The following SPMAP2L variants were observed in gnomAD, a reference collection of about 807,000 sequenced individuals.
The protein encoded by SPMAP2L is sperm microtubule associated protein 2 like.
At chr4:56,551,651 C>T in the SPMAP2L span, among the ~76,000 whole-genome samples, 4 of 152,218 alleles carry the variant, frequency 2.6e-5, no homozygotes, top group Non-Finnish European at 4.4e-5. Flanking sequence ...GTATTGGCCC[C>T]GTCAGACTCC....
the SPMAP2L span, chr4:56,595,102 G>T: frequency 6.2e-7 from 1 of 1,611,382 alleles, no homozygotes; most frequent in East Asian, 2.2e-5. Flanking sequence ...CATTTCCTGG[G>T]CTTATATCAA....
the SPMAP2L span, among the ~76,000 whole-genome samples, chr4:56,602,538 C>T: frequency 6.6e-6 from 1 of 151,934 alleles, no homozygotes; most frequent in Non-Finnish European, 1.5e-5. Context: ...ACTAAAAATA[C>T]AAAAAAGTTT....
At chr4:56,557,698 G>GT in the SPMAP2L span, 2 of 152,116 alleles carry the variant, frequency 1.3e-5, no homozygotes, top group African/African-American at 4.8e-5. Context: ...GAATTCTGTG[G>GT]GTAATTGTGA....
chr4:56,596,690 A>C, the SPMAP2L span: 1 of 1,434,792 alleles, frequency 7.0e-7, no homozygotes, highest in Non-Finnish European at 9.1e-7. Flanking sequence ...TTAGGATGCT[A>C]TTTTGCCTCT....
chr4:56,596,535 G>T, the SPMAP2L span: 4 of 1,532,372 alleles, frequency 2.6e-6, no homozygotes, highest in Non-Finnish European at 2.6e-6. Context: ...CCCTGAGTGC[G>T]ATTGCAACTC....
the SPMAP2L span, among the ~76,000 whole-genome samples, chr4:56,588,692 A>T: frequency 6.6e-6 from 1 of 152,150 alleles, no homozygotes; most frequent in Non-Finnish European, 1.5e-5. Flanking sequence ...CAGCATCCCA[A>T]AGTGCTGGGA....
At chr4:56,551,301 G>A in the SPMAP2L span, among the ~76,000 whole-genome samples, 5 of 152,256 alleles carry the variant, frequency 3.3e-5, no homozygotes, top group African/African-American at 1.2e-4. Context: ...CTTTCTGTGG[G>A]GTAGGAGTGA....
chr4:56,597,409 T>C, the SPMAP2L span, among the ~76,000 whole-genome samples: 1 of 152,182 alleles, frequency 6.6e-6, no homozygotes, highest in African/African-American at 2.4e-5. Context: ...CCACCATCAA[T>C]TGCAGTGCCA....
the SPMAP2L span, among the ~76,000 whole-genome samples, chr4:56,586,789 A>G: frequency 1.3e-5 from 2 of 152,148 alleles, no homozygotes; most frequent in Non-Finnish European, 2.9e-5. Context: ...AAGTCACATA[A>G]CATTACAGCA....
the SPMAP2L span, among the ~76,000 whole-genome samples, chr4:56,609,289 C>T: frequency 2.0e-5 from 3 of 152,140 alleles, no homozygotes; most frequent in Admixed American, 6.5e-5. Context: ...GATCCACCTG[C>T]CTTGGCCTCC....
the SPMAP2L span, among the ~76,000 whole-genome samples, chr4:56,615,776 CA>C: frequency 6.6e-6 from 1 of 151,320 alleles, no homozygotes; most frequent in Non-Finnish European, 1.5e-5. Context: ...AACAAACAAA[CA>C]AACAAAATAA....
At chr4:56,554,765 TG>T in the SPMAP2L span, among the ~76,000 whole-genome samples, 1 of 150,662 alleles carries the variant, frequency 6.6e-6, no homozygotes, top group South Asian at 2.1e-4. Context: ...TTTCCTCCTG[TG>T]TGTTTTTCTA....
chr4:56,581,403 C>T, the SPMAP2L span, among the ~76,000 whole-genome samples: 2 of 151,626 alleles, frequency 1.3e-5, no homozygotes, highest in African/African-American at 4.8e-5. Flanking sequence ...TACAGTGAAC[C>T]GAGACCACAT....
the SPMAP2L span, among the ~76,000 whole-genome samples, chr4:56,553,449 TC>T: frequency 6.6e-6 from 1 of 151,484 alleles, no homozygotes; most frequent in Non-Finnish European, 1.5e-5. Flanking sequence ...CATCTTGGCC[TC>T]CCAAAGTGTT....
chr4:56,583,044 G>A, the SPMAP2L span, among the ~76,000 whole-genome samples: 1,040 of 152,192 alleles, frequency 6.8e-3, 13 homozygotes, highest in African/African-American at 0.024. Context: ...AGGCTGAGGT[G>A]GGCAGATCAC....
chr4:56,606,098 G>T, the SPMAP2L span, among the ~76,000 whole-genome samples: 2 of 152,072 alleles, frequency 1.3e-5, no homozygotes, highest in Admixed American at 6.6e-5. Context: ...CTCTTTGGCC[G>T]CCGGCTTAAT....
the SPMAP2L span, among the ~76,000 whole-genome samples, chr4:56,557,257 C>CAAA: frequency 7.9e-6 from 1 of 126,996 alleles, no homozygotes. Flanking sequence ...GACTCTGTCT[C>CAAA]AAAAAAAAAA....
the SPMAP2L span, chr4:56,594,104 G>A: frequency 3.0e-5 from 48 of 1,607,450 alleles, no homozygotes; most frequent in South Asian, 9.9e-5. Flanking sequence ...AGATCTGGAC[G>A]ATTTGTTGCG....
the SPMAP2L span, chr4:56,593,772 C>T: frequency 0.03 from 46,814 of 1,580,524 alleles, 4,222 homozygotes; most frequent in African/African-American, 0.32. Context: ...GAGCAACACA[C>T]TGAGAGAGAC....
Sources: allele counts gnomAD v4.1 joint callset (sites outside exome capture counted in the v4.1 genomes callset), GRCh38; gene constraint gnomAD v4.1.1; transcripts MANE v1.5; gene names NCBI Gene and HGNC (gene_info 2026-07-23, HGNC 2026-07-21).